FLRT2: variants seen among roughly 807,000 people sequenced by gnomAD.
The protein encoded by FLRT2 is fibronectin leucine rich transmembrane protein 2.
FLRT2 carries 15 observed loss-of-function variants against 40.0 expected under a neutral mutation model. The observed-to-expected ratio is 0.38, with a 90% CI of 0.25 to 0.58. The LOEUF (loss-of-function observed/expected upper bound fraction) is 0.58. Ranked by LOEUF, FLRT2 falls within the 20% of genes least tolerant of loss-of-function variation. The pLI is 0.71. For synonymous variants in FLRT2, 380 were observed against 336.8 expected, an observed-to-expected ratio of 1.13 and a Z score of -1.41; for missense variants, 726 against 840.0, an observed-to-expected ratio of 0.86 and a Z score of 1.68.
intron 1 of FLRT2, chr14:85,562,992 T>C (rs1435214732): frequency 6.6e-6 from 1 of 152,078 alleles, no homozygotes; most frequent in Non-Finnish European, 1.5e-5. Context: ...GTTCTACTTA[T>C]CTAGCGCCCT....
At position 85,653,154 on chromosome 14, in the gene FLRT2, A is replaced by G. The variant is rs1481387856; in HGVS notation, c.*29657A>G. ...ACACCTTTTCTTTTTAAACATTTTC[A>G]ATTTGTGATCTGCTTGAGGACTTGT... On this transcript the variant is annotated 3_prime_UTR_variant, in exon 2 of 2. Coordinates refer to ENST00000330753, the MANE Select transcript of FLRT2 (RefSeq NM_013231.6). 6.6e-6 allele frequency: 1 copy of G among 152,172 alleles called. No homozygotes were observed. Among genetic ancestry groups the G allele is most frequent in the Non-Finnish European group, 1.5e-5 (1 of 68,040 alleles). 9.4% of individuals were successfully genotyped at this position (152,172 alleles called of 1,614,324 possible).
intron 1 of FLRT2, among the ~76,000 whole-genome samples, chr14:85,614,274 A>G (rs1191922545): frequency 6.6e-6 from 1 of 152,046 alleles, no homozygotes; most frequent in Non-Finnish European, 1.5e-5. Context: ...CTCTTAAACC[A>G]GTTTATTGAG....
In FLRT2 at chr14:85,626,730, C is replaced by G. The variant is rs947841279; in HGVS notation, c.*3233C>G. On this transcript the variant is annotated 3_prime_UTR_variant, in exon 2 of 2. Coordinates refer to ENST00000330753, the MANE Select transcript of FLRT2 (RefSeq NM_013231.6). ...CCTTGTGTAACAAATGGAAAACATTCTCCCCTGTGAGAAATAATGCAATTT... is the reference window on the plus strand; with the variant it reads ...CCTTGTGTAACAAATGGAAAACATTGTCCCCTGTGAGAAATAATGCAATTT... 1.8e-5 allele frequency: 3 copies of G among 167,072 alleles called. No individual in the cohort carries two copies. The highest frequency in any genetic ancestry group is 4.4e-5 in the Non-Finnish European group (3 of 68,110). The allele number at this position is 167,072 out of a possible 1,614,324, so 10.3% of individuals were successfully genotyped here.
At chr14:85,561,629 A>G (rs1204338975) in intron 1 of FLRT2, among the ~76,000 whole-genome samples, 2 of 152,190 alleles carry the variant, frequency 1.3e-5, no homozygotes, top group African/African-American at 4.8e-5. Flanking sequence ...TCCTGCCATC[A>G]TGGAAATTCT....
rs1893639680 is a variant in FLRT2 at position 85,625,466 on chromosome 14, A to G, written c.*1969A>G. ...CTCCCTTGTCCCTCAGAATAAGCAG[A>G]AAATATAACTGCAGCTGTATGTCGT... is the stretch of plus-strand genomic sequence containing the variant. On this transcript the variant is annotated 3_prime_UTR_variant, in exon 2 of 2. Coordinates refer to ENST00000330753, the MANE Select transcript of FLRT2 (RefSeq NM_013231.6). The G allele has an allele frequency of 6.0e-6, 1 of 167,008 alleles. No individual in the cohort carries two copies. Among genetic ancestry groups the G allele is most frequent in the Non-Finnish European group, 1.5e-5 (1 of 68,136 alleles). 10.3% of individuals were successfully genotyped at this position (167,008 alleles called of 1,614,324 possible). A position where few individuals can be genotyped will look rare whatever the true frequency, so the allele number is the denominator to read the frequency against.
At chr14:85,588,571 G>A (rs1280964238) in intron 1 of FLRT2, among the ~76,000 whole-genome samples, 2 of 151,872 alleles carry the variant, frequency 1.3e-5, no homozygotes. Context: ...CACATCATGA[G>A]AATGGGGTAT....
In FLRT2 at chr14:85,637,538, C is replaced by G. The variant is rs116823663; in HGVS notation, c.*14041C>G. 2.0e-5 allele frequency: 3 copies of G among 152,180 alleles called. No homozygotes were observed. The highest frequency in any genetic ancestry group is 4.4e-5 in the Non-Finnish European group (3 of 68,038). The allele number at this position is 152,180 out of a possible 1,614,324, so 9.4% of individuals were successfully genotyped here. A position where few individuals can be genotyped will look rare whatever the true frequency, so the allele number is the denominator to read the frequency against. On this transcript the variant is annotated 3_prime_UTR_variant, in exon 2 of 2. Coordinates refer to ENST00000330753, the MANE Select transcript of FLRT2 (RefSeq NM_013231.6). ...TAACTCCATTCAATATTCTTTCTTTCCACAATCGTCTGTCACTCCCGGTAG... is the reference window on the plus strand; with the variant it reads ...TAACTCCATTCAATATTCTTTCTTTGCACAATCGTCTGTCACTCCCGGTAG...
chr14:85,597,764 C>T (rs554906742), intron 1 of FLRT2, among the ~76,000 whole-genome samples: 90 of 152,284 alleles, frequency 5.9e-4, no homozygotes, highest in South Asian at 3.3e-3. Flanking sequence ...GTTTAAACAA[C>T]TTGTGAGGAG....
At chr14:85,554,539 C>T (rs932132864) in intron 1 of FLRT2, among the ~76,000 whole-genome samples, 31 of 152,156 alleles carry the variant, frequency 2.0e-4, no homozygotes, top group African/African-American at 5.8e-4. Context: ...TTTCCTGAAT[C>T]GAAACCTCAC....
intron 1 of FLRT2, among the ~76,000 whole-genome samples, chr14:85,535,334 T>A (rs1033020882): frequency 2.1e-5 from 3 of 139,778 alleles, no homozygotes; most frequent in African/African-American, 7.9e-5. Flanking sequence ...TTAATAAATA[T>A]CCAATGAAAA....
intron 1 of FLRT2, among the ~76,000 whole-genome samples, chr14:85,585,092 T>G (rs1891557831): frequency 6.6e-6 from 1 of 152,146 alleles, no homozygotes; most frequent in Non-Finnish European, 1.5e-5. Context: ...TGTGTGACCT[T>G]GAGCTCCAGT....
chr14:85,535,892 G>GTTTTTT (rs71454768), intron 1 of FLRT2, among the ~76,000 whole-genome samples: 26 of 57,828 alleles, frequency 4.5e-4, no homozygotes, highest in South Asian at 8.7e-4. Flanking sequence ...AAGGAATGCT[G>GTTTTTT]TTTTTTTTTT....
Position 85,632,272 on chromosome 14 carries a change from C to T in FLRT2, c.*8775C>T, listed in dbSNP as rs1317041096. On this transcript the variant is annotated 3_prime_UTR_variant, in exon 2 of 2. Transcript: ENST00000330753. ...AGATCACGAGGTCAAGAAATCAAGA[C>T]CATCCTGGCCAACATGGTGAAACCC... The T allele has an allele frequency of 6.6e-6, 1 of 151,884 alleles. No individual in the cohort carries two copies. The highest frequency in any genetic ancestry group is 2.4e-5 in the African/African-American group (1 of 41,344). 9.4% of individuals were successfully genotyped at this position (151,884 alleles called of 1,614,324 possible).
At chr14:85,580,305 AT>A (rs1480780702) in intron 1 of FLRT2, among the ~76,000 whole-genome samples, 1 of 152,086 alleles carries the variant, frequency 6.6e-6, no homozygotes, top group East Asian at 1.9e-4. Flanking sequence ...GTGTTGCAAG[AT>A]TTTTGCAGTT....
At chr14:85,594,755 G>A (rs1474342205) in intron 1 of FLRT2, among the ~76,000 whole-genome samples, 1 of 152,050 alleles carries the variant, frequency 6.6e-6, no homozygotes, top group Non-Finnish European at 1.5e-5. Flanking sequence ...GCTGGAGTTA[G>A]GAACACGGAC....
At chr14:85,598,768 A>G (rs1892249800) in intron 1 of FLRT2, among the ~76,000 whole-genome samples, 1 of 152,184 alleles carries the variant, frequency 6.6e-6, no homozygotes, top group African/African-American at 2.4e-5. Context: ...CAGAACTAAG[A>G]CAAAGATGTA....
At chr14:85,581,267 G>A (rs1042950198) in intron 1 of FLRT2, among the ~76,000 whole-genome samples, 41 of 152,282 alleles carry the variant, frequency 2.7e-4, no homozygotes, top group African/African-American at 9.4e-4. Flanking sequence ...ATGGTCGAGG[G>A]CAGCAGCAGT....
rs758606559 is a variant in FLRT2 at position 85,641,564 on chromosome 14, G to C, written c.*18067G>C. ...GGACTACAGTAGTACGTCCTTGGACGCAACAGTTTAAGAGGTAGTTCCTGA... is the reference window on the plus strand; with the variant it reads ...GGACTACAGTAGTACGTCCTTGGACCCAACAGTTTAAGAGGTAGTTCCTGA... On this transcript the variant is annotated 3_prime_UTR_variant, in exon 2 of 2. Transcript: ENST00000330753. 1 of 152,168 alleles carries C rather than the reference G, an allele frequency of 6.6e-6. No homozygotes were observed. Among genetic ancestry groups the C allele is most frequent in the Admixed American group, 6.5e-5 (1 of 15,284 alleles). 9.4% of individuals were successfully genotyped at this position (152,168 alleles called of 1,614,324 possible).
chr14:85,589,462 T>C (rs1247733768), intron 1 of FLRT2, among the ~76,000 whole-genome samples: 30 of 152,200 alleles, frequency 2.0e-4, no homozygotes, highest in Admixed American at 2.0e-3. Flanking sequence ...ATTGGATTAT[T>C]AGCTTTTTTC....
Sources: gnomAD v4.1 joint callset for allele counts (sites outside exome capture counted in the v4.1 genomes callset) on GRCh38, gnomAD v4.1.1 for gene constraint, MANE v1.5 for transcripts, NCBI Gene and HGNC (gene_info 2026-07-23, HGNC 2026-07-21) for gene names.